BMPR1A: variants seen among roughly 807,000 people sequenced by gnomAD.
The protein encoded by BMPR1A is bone morphogenetic protein receptor type-1A.
In BMPR1A, 7 loss-of-function variants were observed where a neutral mutation model predicts 66.0. That is an observed-to-expected ratio of 0.11 (90% CI 0.06 to 0.20). BMPR1A has a LOEUF of 0.20. Ranked by LOEUF, BMPR1A falls within the 10% of genes least tolerant of loss-of-function variation. The pLI is 1.00. For synonymous variants in BMPR1A, 200 were observed against 229.7 expected (o/e 0.87, Z 1.17); for missense variants, 408 against 669.1 (o/e 0.61, Z 4.31).
At chr10:86,866,399 C>CTTTTTTTTTTTTCTTTTTTT (rs1842785864) in intron 2 of BMPR1A, among the ~76,000 whole-genome samples, 3 of 69,476 alleles carry the variant, frequency 4.3e-5, no homozygotes, top group African/African-American at 1.6e-4. Flanking sequence ...AAGTTTCTTT[C>CTTTTTTTTTTTTCTTTTTTT]TTTTTTTTTT....
intron 2 of BMPR1A, among the ~76,000 whole-genome samples, chr10:86,869,597 T>C (rs756631728): frequency 5.9e-5 from 9 of 151,626 alleles, no homozygotes; most frequent in Non-Finnish European, 1.0e-4. Flanking sequence ...TCTCTACTAA[T>C]AATACAAAAA....
At chr10:86,899,076 T>C (rs1589767643) in intron 5 of BMPR1A, among the ~76,000 whole-genome samples, 1 of 152,332 alleles carries the variant, frequency 6.6e-6, no homozygotes, top group East Asian at 1.9e-4. Context: ...TTGTTACTTG[T>C]GTAGTGACAA....
At position 86,762,838 on chromosome 10, in the gene BMPR1A, C is replaced by T. The variant is rs114656691; in HGVS notation, c.-268+5919C>T. ...GAAGGCTTTCCTGAGAAAGGTAGCC[C>T]GCAGAGTGAGACCTTAGGCAAGAAA... On this transcript the variant is annotated intron_variant, in intron 1 of 12. Transcript: ENST00000372037. 0.039 allele frequency among the ~76,000 whole-genome samples: 5,918 copies of T among 152,134 alleles called. 205 individuals carry two copies. Among genetic ancestry groups the T allele is most frequent in the African/African-American group, 0.095 (3,953 of 41,490 alleles).
At position 86,829,029 on chromosome 10, in the gene BMPR1A, G is replaced by A. The variant is rs143415598; in HGVS notation, c.-267-9836G>A. On this transcript the variant is annotated intron_variant, in intron 1 of 12. Coordinates refer to ENST00000372037, the MANE Select transcript of BMPR1A (RefSeq NM_004329.3). The stretch of plus-strand genomic sequence containing the variant: ...GGTGCCACAGATTGGCACTCCCCTC[G>A]GAATTGCCACACCTTCACGGAGCCA... Among the ~76,000 whole-genome samples, 342 of 152,100 alleles carry A rather than the reference G, an allele frequency of 2.2e-3. 1 individual carries two copies. Among genetic ancestry groups the A allele is most frequent in the African/African-American group, 7.8e-3 (325 of 41,480 alleles).
chr10:86,825,828 T>C (rs1398092935), intron 1 of BMPR1A, among the ~76,000 whole-genome samples: 1 of 152,164 alleles, frequency 6.6e-6, no homozygotes, highest in Non-Finnish European at 1.5e-5. Context: ...TTAAAATTAC[T>C]GATGGAGGAA....
At chr10:86,889,490 CTATT>C (rs1365558978) in intron 3 of BMPR1A, 2 of 152,734 alleles carry the variant, frequency 1.3e-5, no homozygotes, top group Non-Finnish European at 1.5e-5. Context: ...TAACTTGTCT[CTATT>C]TAATGATTGG....
chr10:86,827,978 C>T (rs1319254744), intron 1 of BMPR1A, among the ~76,000 whole-genome samples: 2 of 152,050 alleles, frequency 1.3e-5, no homozygotes, highest in Admixed American at 6.6e-5. Flanking sequence ...ATGGTGAAAC[C>T]GCATTTCTAC....
intron 1 of BMPR1A, among the ~76,000 whole-genome samples, chr10:86,778,404 A>T (rs1841386287): frequency 6.6e-6 from 1 of 151,918 alleles, no homozygotes; most frequent in Non-Finnish European, 1.5e-5. Context: ...TTGGCCTCCC[A>T]AAGTGCTGGA....
At chr10:86,912,698 C>G (rs914911374) in intron 8 of BMPR1A, among the ~76,000 whole-genome samples, 1 of 152,130 alleles carries the variant, frequency 6.6e-6, no homozygotes, top group Non-Finnish European at 1.5e-5. Context: ...AAGTTTTGCT[C>G]TAAGCATTTT....
intron 2 of BMPR1A, among the ~76,000 whole-genome samples, chr10:86,863,554 A>G (rs1349619606): frequency 3.3e-5 from 5 of 152,204 alleles, no homozygotes; most frequent in African/African-American, 9.6e-5. Flanking sequence ...GCTTCAGACA[A>G]GGTTGCTTGA....
At chr10:86,784,393 G>GT (rs1841484776) in intron 1 of BMPR1A, among the ~76,000 whole-genome samples, 1 of 152,142 alleles carries the variant, frequency 6.6e-6, no homozygotes, top group Non-Finnish European at 1.5e-5. Flanking sequence ...TTAATGTGGT[G>GT]TATTACATTT....
intron 2 of BMPR1A, among the ~76,000 whole-genome samples, chr10:86,867,441 G>A (rs760176066): frequency 1.4e-4 from 21 of 152,134 alleles, no homozygotes; most frequent in African/African-American, 3.6e-4. Context: ...GATTCACTTC[G>A]CCTGTTTTTG....
chr10:86,832,187 GC>G (rs1234887723), intron 1 of BMPR1A, among the ~76,000 whole-genome samples: 1 of 152,090 alleles, frequency 6.6e-6, no homozygotes, highest in Non-Finnish European at 1.5e-5. Context: ...ATTGAAAAAG[GC>G]CGGGCGCGGT....
Position 86,822,537 on chromosome 10 carries a change from G to GT in BMPR1A, c.-267-16325dup, listed in dbSNP as rs912898702. ...AATGTTTAGAGTCTGGCTGATCTGG[G>GT]TTTAAATCCCAAATCTACCATGTAT... is the stretch of plus-strand genomic sequence containing the variant. On this transcript the variant is annotated intron_variant, in intron 1 of 12. Coordinates refer to ENST00000372037, the MANE Select transcript of BMPR1A (RefSeq NM_004329.3). 2.0e-4 allele frequency among the ~76,000 whole-genome samples: 31 copies of GT among 152,184 alleles called. 1 individual carries two copies. The highest frequency in any genetic ancestry group is 5.5e-4 in the African/African-American group (23 of 41,452).
chr10:86,764,168 G>A (rs1344100938), intron 1 of BMPR1A, among the ~76,000 whole-genome samples: 1 of 152,170 alleles, frequency 6.6e-6, no homozygotes, highest in Non-Finnish European at 1.5e-5. Context: ...AAAATGCTTT[G>A]TAATGTATTT....
At chr10:86,796,737 T>A (rs932079839) in intron 1 of BMPR1A, among the ~76,000 whole-genome samples, 5 of 151,934 alleles carry the variant, frequency 3.3e-5, no homozygotes, top group African/African-American at 1.2e-4. Flanking sequence ...CCACTCCAGC[T>A]AATTTTTGTA....
chr10:86,860,769 C>CAA (rs772036957), intron 2 of BMPR1A, among the ~76,000 whole-genome samples: 23 of 79,720 alleles, frequency 2.9e-4, no homozygotes, highest in South Asian at 2.2e-3. Context: ...GACTCCATAT[C>CAA]AAAAAAAAAA....
At chr10:86,759,759 G>T (rs1177392176) in intron 1 of BMPR1A, among the ~76,000 whole-genome samples, 1 of 152,106 alleles carries the variant, frequency 6.6e-6, no homozygotes, top group Non-Finnish European at 1.5e-5. Context: ...TCTGTTCCTT[G>T]AAAGTTTGGA....
chr10:86,799,192 CATTG>C (rs1456967072), intron 1 of BMPR1A, among the ~76,000 whole-genome samples: 1 of 152,120 alleles, frequency 6.6e-6, no homozygotes, highest in African/African-American at 2.4e-5. Context: ...TTGTAATTAT[CATTG>C]ATTGATGATA....
Sources: allele counts gnomAD v4.1 joint callset (sites outside exome capture counted in the v4.1 genomes callset), GRCh38; gene constraint gnomAD v4.1.1; transcripts MANE v1.5; gene names NCBI Gene and HGNC (gene_info 2026-07-23, HGNC 2026-07-21).